Variants in AP1S1 observed in about 807,000 individuals in gnomAD.
AP1S1 encodes AP-1 complex subunit sigma-1A.
AP1S1 carries 13 observed loss-of-function variants against 23.9 expected under a neutral mutation model. That is an observed-to-expected ratio of 0.54 (90% CI 0.35 to 0.86). The LOEUF is 0.86. AP1S1 is among the 40% of genes least tolerant of loss of function. The probability of loss-of-function intolerance (pLI) is 0.01; values close to 1 mark genes in which losing one functional copy is unlikely to be tolerated. For missense variants in AP1S1, 119 were observed against 197.6 expected (o/e 0.60, Z 2.38); for synonymous variants, 84 against 77.7 (o/e 1.08, Z -0.43).
chr7:101,154,670 G>C, intron 1 of AP1S1, 153 bp downstream of exon 1: 1 of 1,038,988 alleles, frequency 9.6e-7, no homozygotes, highest in Non-Finnish European at 1.3e-6. Context: ...AGCCGGGCTC[G>C]GGAGGAAGAG....
intron 4 of AP1S1, 83 bp downstream of exon 4, chr7:101,159,279 C>T: frequency 6.5e-7 from 1 of 1,526,846 alleles, no homozygotes; most frequent in Non-Finnish European, 8.8e-7. Flanking sequence ...CCGGCCTGCC[C>T]TGCCCACCGT....
intron 3 of AP1S1, 79 bp downstream of exon 3, chr7:101,157,564 C>A: frequency 1.8e-6 from 2 of 1,134,372 alleles, no homozygotes; most frequent in Non-Finnish European, 2.6e-6. Context: ...CCCCTCCAGT[C>A]TCTGCCCTGG....
intron 1 of AP1S1, 156 bp from the exon 2 acceptor site, chr7:101,156,438 T>G: frequency 1.2e-6 from 1 of 833,074 alleles, no homozygotes; most frequent in Admixed American, 2.9e-5. Context: ...TGAACCCAGC[T>G]GACAGACTCA....
chr7:101,157,412 G>A lies in AP1S1; in HGVS notation c.218G>A (p.Gly73Asp). 2 of 1,581,868 alleles carry A rather than the reference G, an allele frequency of 1.3e-6. No individual in the cohort carries two copies. The highest frequency in any genetic ancestry group is 8.6e-7 in the Non-Finnish European group (1 of 1,163,948). ...CTCTACTTCTGCTGCGCCATCGAGG[G>A]CCAAGACAATGAGCTCATCACACTG... Reference protein sequence around the residue: ...ASLYFCCAIEGQDNELITLEL... With the variant: ...ASLYFCCAIEDQDNELITLEL... The change falls in exon 3 of 5, where the codon GGC becomes GAC. Residue 73 changes from glycine (G) to aspartate (D), a missense_variant. Transcript: ENST00000337619.
rs2116688491 is a variant in AP1S1, at chr7:101,157,422, T to C, written c.228T>C (p.Asn76=). 1 of 1,582,814 alleles carries C rather than the reference T, an allele frequency of 6.3e-7. No individual in the cohort carries two copies. The highest frequency in any genetic ancestry group is 8.6e-7 in the Non-Finnish European group (1 of 1,164,204). The change falls in exon 3 of 5, where the codon AAT becomes AAC. Residue 76 remains asparagine (N), a synonymous_variant. Transcript: ENST00000337619. ...GCTGCGCCATCGAGGGCCAAGACAA[T>C]GAGCTCATCACACTGGAGCTGATCC... is the stretch of plus-strand genomic sequence containing the variant. ...YFCCAIEGQD[N]ELITLELIHR...
intron 1 of AP1S1, chr7:101,154,962 T>C: frequency 9.8e-7 from 1 of 1,017,968 alleles, no homozygotes; most frequent in Non-Finnish European, 1.2e-6. Context: ...GGGAGGGGAG[T>C]TTCCGGGTCG....
Position 101,160,835 on chromosome 7 carries a change from T to C in AP1S1, c.*269T>C. 1 of 658,700 alleles carries C rather than the reference T, an allele frequency of 1.5e-6. No homozygotes were observed. Among genetic ancestry groups the C allele is most frequent in the Non-Finnish European group, 2.8e-6 (1 of 357,200 alleles). The allele number at this position is 658,700 out of a possible 1,614,324, so 40.8% of individuals were successfully genotyped here. A position where few individuals can be genotyped will look rare whatever the true frequency, so the allele number is the denominator to read the frequency against. On this transcript the variant is annotated 3_prime_UTR_variant, in exon 5 of 5. Coordinates refer to ENST00000337619, the MANE Select transcript of AP1S1 (RefSeq NM_001283.5). ...GGGGTGCTATTTGGCTTTTATTCCC[T>C]GCCTTTGCAGAACTGATGTCACCCC...
chr7:101,159,335 C>G, intron 4 of AP1S1, 139 bp downstream of exon 4: 2 of 1,256,826 alleles, frequency 1.6e-6, no homozygotes, highest in East Asian at 2.6e-5. Context: ...CCCACCACGC[C>G]CAGCTCTCCA....
At position 101,160,516 on chromosome 7, in the gene AP1S1, T is replaced by G. The variant is rs1217488955; in HGVS notation, c.430-3T>G. On this transcript the variant is annotated splice_polypyrimidine_tract_variant and splice_region_variant and intron_variant, in intron 4 of 4. Coordinates refer to ENST00000337619, the MANE Select transcript of AP1S1 (RefSeq NM_001283.5). ...CGTCACCCTCTGTCTGTCTCTGCCT[T>G]AGGAGGATGAGTCGCCACGGAGTGT... 6.2e-7 allele frequency: 1 copy of G among 1,611,530 alleles called. No homozygotes were observed. Among genetic ancestry groups the G allele is most frequent in the Admixed American group, 1.7e-5 (1 of 60,020 alleles).
rs73183986 is a variant in AP1S1, at chr7:101,160,448, A to G, written c.430-71A>G. On this transcript the variant is annotated intron_variant, in intron 4 of 4. Coordinates refer to ENST00000337619, the MANE Select transcript of AP1S1 (RefSeq NM_001283.5). ...CTCCCCCGTCTGACTCTTCCTCGTG[A>G]CTGCTGTCTTGCCCACCCTGTCGGC... 113,691 of 1,551,898 alleles carry G rather than the reference A, an allele frequency of 0.073. 4,826 individuals are homozygous for G. Among genetic ancestry groups the G allele is most frequent in the Non-Finnish European group, 0.087 (98,355 of 1,134,880 alleles).
At chr7:101,159,963 C>T (rs1797062485) in intron 4 of AP1S1, among the ~76,000 whole-genome samples, 1 of 90,814 alleles carries the variant, frequency 1.1e-5, no homozygotes, top group Non-Finnish European at 2.2e-5. Flanking sequence ...TTCCCACACA[C>T]GCACACACAC....
At chr7:101,159,395 A>G in intron 4 of AP1S1, 199 bp downstream of exon 4, 7 of 694,736 alleles carry the variant, frequency 1.0e-5, no homozygotes, top group Non-Finnish European at 1.6e-5. Context: ...GGTGGCAGAT[A>G]GCCCACCTGT....
chr7:101,157,305 A>C, intron 2 of AP1S1, 72 bp from the exon 3 acceptor site: 7 of 1,270,576 alleles, frequency 5.5e-6, no homozygotes, highest in Non-Finnish European at 6.6e-6. Flanking sequence ...CAGGCTGGTG[A>C]GAGGTTTGAG....
chr7:101,160,567 C>T lies in AP1S1; in HGVS notation c.*1C>T, dbSNP rs1232721943. On this transcript the variant is annotated 3_prime_UTR_variant, in exon 5 of 5. Coordinates refer to ENST00000337619, the MANE Select transcript of AP1S1 (RefSeq NM_001283.5). ...GCTGGAGGAGATGGGTTTGGCATAG[C>T]CCCTGCTGGGCCGGGGTGTGGCGAT... The T allele has an allele frequency of 6.2e-7, 1 of 1,611,474 alleles. No homozygotes were observed. The highest frequency in any genetic ancestry group is 8.5e-7 in the Non-Finnish European group (1 of 1,179,864).
chr7:101,160,283 C>T (rs1294254681), intron 4 of AP1S1, among the ~76,000 whole-genome samples: 3 of 152,068 alleles, frequency 2.0e-5, no homozygotes, highest in Non-Finnish European at 2.9e-5. Flanking sequence ...TGGGTGGTGA[C>T]GGACTCAACC....
intron 3 of AP1S1, 57 bp downstream of exon 3, chr7:101,157,542 C>A (rs1035991270): frequency 2.1e-6 from 3 of 1,419,140 alleles, no homozygotes; most frequent in African/African-American, 2.8e-5. Flanking sequence ...GGTAATCCAC[C>A]AAACTTTGAG....
In AP1S1 at chr7:101,160,966, A is replaced by G; in HGVS notation, c.*400A>G. 1 of 343,358 alleles carries G rather than the reference A, an allele frequency of 2.9e-6. No individual in the cohort carries two copies. Among genetic ancestry groups the G allele is most frequent in the Non-Finnish European group, 5.7e-6 (1 of 175,726 alleles). 21.3% of individuals were successfully genotyped at this position (343,358 alleles called of 1,614,324 possible). A position where few individuals can be genotyped will look rare whatever the true frequency, so the allele number is the denominator to read the frequency against. On this transcript the variant is annotated 3_prime_UTR_variant, in exon 5 of 5. Transcript: ENST00000337619. ...CCTCTCTGTCCCATAACCTACCTCCACCCTCCCCCTAGCCAGCCAGGCAGC... is the reference window on the plus strand; with the variant it reads ...CCTCTCTGTCCCATAACCTACCTCCGCCCTCCCCCTAGCCAGCCAGGCAGC...
intron 3 of AP1S1, among the ~76,000 whole-genome samples, chr7:101,158,507 C>T (rs897983013): frequency 3.3e-5 from 5 of 152,074 alleles, no homozygotes; most frequent in African/African-American, 4.8e-5. Flanking sequence ...GGAAGAACGT[C>T]ACAGATTTTG....
chr7:101,160,201 C>T (rs1019659171), intron 4 of AP1S1, among the ~76,000 whole-genome samples: 3 of 151,954 alleles, frequency 2.0e-5, no homozygotes, highest in Admixed American at 6.6e-5. Context: ...CTCCTTGTCC[C>T]GGCTTCACTC....
Sources: gnomAD v4.1 joint callset for allele counts (sites outside exome capture counted in the v4.1 genomes callset) on GRCh38, gnomAD v4.1.1 for gene constraint, MANE v1.5 for transcripts, NCBI Gene and HGNC (gene_info 2026-07-23, HGNC 2026-07-21) for gene names.